C9orf85: variants seen among roughly 807,000 people sequenced by gnomAD.
C9orf85 encodes uncharacterized protein C9orf85.
C9orf85 carries 16 observed loss-of-function variants against 14.9 expected under a neutral mutation model. That is an observed-to-expected ratio of 1.08 (90% CI 0.73 to 1.63). The LOEUF (loss-of-function observed/expected upper bound fraction) is 1.63. Among genes scored for constraint, C9orf85 ranks in the 40% most tolerant of loss-of-function variants. The pLI is 0.00. For missense variants in C9orf85, 172 were observed against 186.1 expected, an observed-to-expected ratio of 0.92 and a Z score of 0.44; for synonymous variants, 45 against 56.8, an observed-to-expected ratio of 0.79 and a Z score of 0.93.
At chr9:71,982,850 G>A (rs1344771488) in exon 4 of C9orf85, 19 of 288,518 alleles carry the variant, frequency 6.6e-5, no homozygotes, top group South Asian at 1.4e-4. Flanking sequence ...TGGCCAGGCC[G>A]GTCTCGAACT....
At position 71,911,743 on chromosome 9, in the gene C9orf85, C is replaced by G; in HGVS notation, c.9C>G (p.Ser3=). ...TGGCTTTGATTTCGGCGATGAGCTC[C>G]CAGAAAGGCAACGTGGCTCGTTCCA... MS[S]QKGNVARSRP... The change falls in exon 1 of 4, where the codon TCC becomes TCG. Residue 3 remains serine (S), a synonymous_variant. Coordinates refer to ENST00000334731, the MANE Select transcript of C9orf85 (RefSeq NM_182505.5). 1 of 1,614,126 alleles carries G rather than the reference C, an allele frequency of 6.2e-7. No individual in the cohort carries two copies.
chr9:71,959,893 T>C (rs762111639), intron 2 of C9orf85, among the ~76,000 whole-genome samples: 1 of 152,230 alleles, frequency 6.6e-6, no homozygotes, highest in Non-Finnish European at 1.5e-5. Context: ...AGATGACAGA[T>C]AGGAAACTGC....
intron 2 of C9orf85, among the ~76,000 whole-genome samples, chr9:71,956,937 C>G (rs1228566732): frequency 2.0e-5 from 3 of 151,442 alleles, no homozygotes; most frequent in African/African-American, 7.3e-5. Flanking sequence ...TGTAAAAGGT[C>G]TTGGTTAAAA....
intron 1 of C9orf85, among the ~76,000 whole-genome samples, chr9:71,923,125 G>A (rs956373698): frequency 2.6e-5 from 4 of 152,116 alleles, no homozygotes; most frequent in African/African-American, 9.7e-5. Context: ...GCAAGACTCC[G>A]TCTCAAAAAA....
chr9:71,964,803 G>A (rs534616946), intron 2 of C9orf85, among the ~76,000 whole-genome samples: 1 of 152,326 alleles, frequency 6.6e-6, no homozygotes, highest in East Asian at 1.9e-4. Flanking sequence ...GAAATCTTGG[G>A]CCATGTGGTG....
At chr9:71,985,512 G>C (rs1241119697), downstream of C9orf85, 1 of 152,186 alleles carries the variant, frequency 6.6e-6, no homozygotes, top group Non-Finnish European at 1.5e-5. Flanking sequence ...CTGTGGGCGG[G>C]GCCCAGCAAT....
intron 1 of C9orf85, among the ~76,000 whole-genome samples, chr9:71,937,011 G>A (rs1267511475): frequency 1.3e-5 from 2 of 151,954 alleles, no homozygotes; most frequent in African/African-American, 4.8e-5. Context: ...CTCCCATCTC[G>A]GCTTCCCAAA....
intron 1 of C9orf85, among the ~76,000 whole-genome samples, chr9:71,933,335 C>T (rs1459862556): frequency 6.6e-6 from 1 of 152,046 alleles, no homozygotes. Context: ...TGTTGAAAAC[C>T]AAAGACAAAG....
rs1056627537 is a variant in C9orf85, at chr9:71,930,740, G to A, written c.103-16266G>A. ...GGATCACTTGAGCCTGGGAGGTGGAGGCTACAGTGAGCCGTGATCCCACCA... is the reference window on the plus strand; with the variant it reads ...GGATCACTTGAGCCTGGGAGGTGGAAGCTACAGTGAGCCGTGATCCCACCA... On this transcript the variant is annotated intron_variant, in intron 1 of 3. Transcript: ENST00000334731. Among the ~76,000 whole-genome samples, 13 of 149,822 alleles carry A rather than the reference G, an allele frequency of 8.7e-5. No individual in the cohort carries two copies. In the South Asian group the frequency reaches 2.7e-3, roughly 32 times the overall value.
intron 2 of C9orf85, among the ~76,000 whole-genome samples, chr9:71,957,282 C>T (rs1186778768): frequency 6.6e-6 from 1 of 152,092 alleles, no homozygotes; most frequent in Non-Finnish European, 1.5e-5. Flanking sequence ...AGATGAAGTT[C>T]ATATCAGTTG....
At chr9:71,975,865 G>A (rs1822988429), downstream of C9orf85, among the ~76,000 whole-genome samples, 2 of 152,134 alleles carry the variant, frequency 1.3e-5, no homozygotes, top group African/African-American at 2.4e-5. Context: ...ATAAATTTGT[G>A]TGGCTTTCCT....
intron 2 of C9orf85, among the ~76,000 whole-genome samples, chr9:71,963,407 GTGCCTCCTC>G (rs1822580710): frequency 6.6e-6 from 1 of 152,116 alleles, no homozygotes; most frequent in African/African-American, 2.4e-5. Flanking sequence ...CTCGCTCTCG[GTGCCTCCTC>G]TGCCTGGGCT....
At chr9:71,955,905 C>G (rs1243971407) in intron 2 of C9orf85, among the ~76,000 whole-genome samples, 1 of 152,096 alleles carries the variant, frequency 6.6e-6, no homozygotes, top group Non-Finnish European at 1.5e-5. Flanking sequence ...GAATGGAGAC[C>G]TATGATTTAA....
chr9:71,936,306 T>C lies in C9orf85; in HGVS notation c.103-10700T>C, dbSNP rs181893922. Reference sequence around the variant, plus strand: ...GAGCTCATTGCTGAGGCTGTAGTTATGCATTCAGTTGACCTGGAGAAAATA... The same window carrying C: ...GAGCTCATTGCTGAGGCTGTAGTTACGCATTCAGTTGACCTGGAGAAAATA... On this transcript the variant is annotated intron_variant, in intron 1 of 3. Coordinates refer to ENST00000334731, the MANE Select transcript of C9orf85 (RefSeq NM_182505.5). 1.7e-3 allele frequency among the ~76,000 whole-genome samples: 261 copies of C among 152,310 alleles called. 2 individuals carry two copies. The highest frequency in any genetic ancestry group is 5.9e-3 in the African/African-American group (247 of 41,574).
At chr9:71,976,591 G>A (rs568694031), downstream of C9orf85, among the ~76,000 whole-genome samples, 362 of 151,948 alleles carry the variant, frequency 2.4e-3, 2 homozygotes, top group Middle Eastern at 6.8e-3. Context: ...GAACCCGGGA[G>A]GCGGAGCTTA....
intron 2 of C9orf85, among the ~76,000 whole-genome samples, chr9:71,952,548 A>C (rs1352083859): frequency 1.3e-5 from 2 of 152,044 alleles, no homozygotes; most frequent in African/African-American, 4.8e-5. Flanking sequence ...TTGTATTTTT[A>C]GTAGAGACGG....
chr9:71,948,662 C>T (rs1783116064), intron 2 of C9orf85, among the ~76,000 whole-genome samples: 1 of 152,194 alleles, frequency 6.6e-6, no homozygotes, highest in African/African-American at 2.4e-5. Context: ...GCTGGGACTA[C>T]AGGTACATAC....
intron 1 of C9orf85, among the ~76,000 whole-genome samples, chr9:71,931,512 T>C (rs1245118737): frequency 6.6e-6 from 1 of 152,168 alleles, no homozygotes; most frequent in African/African-American, 2.4e-5. Context: ...GTCTAAGATT[T>C]AGTTTCCAAA....
At chr9:71,912,855 G>C (rs2132235524) in intron 1 of C9orf85, among the ~76,000 whole-genome samples, 1 of 152,212 alleles carries the variant, frequency 6.6e-6, no homozygotes, top group South Asian at 2.1e-4. Flanking sequence ...CTGCACTCCT[G>C]GGCGACAGAG....
Sources: gnomAD v4.1 joint callset for allele counts (sites outside exome capture counted in the v4.1 genomes callset) on GRCh38, gnomAD v4.1.1 for gene constraint, MANE v1.5 for transcripts, NCBI Gene and HGNC (gene_info 2026-07-23, HGNC 2026-07-21) for gene names.